THADA: variants seen among roughly 807,000 people sequenced by gnomAD.
THADA encodes tRNA (32-2'-O)-methyltransferase regulator THADA.
In THADA, 213 loss-of-function variants were observed where a neutral mutation model predicts 219.8. The observed-to-expected ratio is 0.97, with a 90% CI of 0.87 to 1.09. The LOEUF (loss-of-function observed/expected upper bound fraction) is 1.09. Among genes scored for constraint, THADA ranks in the 50% least tolerant of loss-of-function variants. THADA has a pLI of 0.00. For missense variants in THADA, 2,956 were observed against 2,311.3 expected, an observed-to-expected ratio of 1.28 and a Z score of -5.72; for synonymous variants, 1,018 against 828.9, an observed-to-expected ratio of 1.23 and a Z score of -3.92.
chr2:43,449,244 C>A (rs1681995446), intron 26 of THADA, among the ~76,000 whole-genome samples: 1 of 151,518 alleles, frequency 6.6e-6, no homozygotes, highest in Admixed American at 6.6e-5. Context: ...AATCAATGAA[C>A]CTGAAGATAA....
intron 31 of THADA, among the ~76,000 whole-genome samples, chr2:43,294,552 G>C (rs1255009266): frequency 1.3e-5 from 2 of 152,200 alleles, no homozygotes; most frequent in East Asian, 3.8e-4. Flanking sequence ...AATGTGGCTA[G>C]AGTACAGAAA....
chr2:43,440,163 T>C (rs1680664988), intron 26 of THADA, among the ~76,000 whole-genome samples: 1 of 152,230 alleles, frequency 6.6e-6, no homozygotes. Context: ...GTATATACTT[T>C]TAGTTTGTAG....
chr2:43,369,195 T>C (rs1002413939), intron 29 of THADA, among the ~76,000 whole-genome samples: 12 of 152,244 alleles, frequency 7.9e-5, no homozygotes, highest in African/African-American at 2.4e-4. Context: ...TGAGCAGTCT[T>C]GGAAGAGTCT....
chr2:43,532,476 C>T (rs951393041), intron 21 of THADA, among the ~76,000 whole-genome samples: 6 of 150,240 alleles, frequency 4.0e-5, no homozygotes, highest in African/African-American at 9.8e-5. Flanking sequence ...TGATCCATCA[C>T]GTAAGCAGAA....
chr2:43,550,886 G>A (rs563160286), intron 19 of THADA, among the ~76,000 whole-genome samples: 1 of 152,282 alleles, frequency 6.6e-6, no homozygotes, highest in African/African-American at 2.4e-5. Context: ...AATGCTTTAA[G>A]AGGCCAAGGC....
At chr2:43,384,593 T>C (rs1672416359) in intron 29 of THADA, among the ~76,000 whole-genome samples, 1 of 152,246 alleles carries the variant, frequency 6.6e-6, no homozygotes, top group African/African-American at 2.4e-5. Flanking sequence ...CTGTTCTCTA[T>C]ATGCACATCT....
chr2:43,258,574 C>T (rs993796566), intron 36 of THADA, among the ~76,000 whole-genome samples: 9 of 152,026 alleles, frequency 5.9e-5, no homozygotes, highest in African/African-American at 2.2e-4. Flanking sequence ...TGTTATTTAT[C>T]TGAAATTCAT....
At chr2:43,388,281 TGACA>T (rs944540491) in intron 29 of THADA, among the ~76,000 whole-genome samples, 31 of 152,354 alleles carry the variant, frequency 2.0e-4, no homozygotes, top group Admixed American at 1.5e-3. Context: ...GACAAAAGCC[TGACA>T]GTGTACCCAC....
Position 43,515,371 on chromosome 2 carries a change from A to G in THADA, c.3375-6591T>C, listed in dbSNP as rs1296425975. Reference sequence around the variant, plus strand: ...ATATTTTATATATAATATATAATATATAATATATAATATTTTATATATAAT... The same window carrying G: ...ATATTTTATATATAATATATAATATGTAATATATAATATTTTATATATAAT... On this transcript the variant is annotated intron_variant, in intron 22 of 37. Transcript: ENST00000405975. Among the ~76,000 whole-genome samples, 54 of 96,634 alleles carry G rather than the reference A, an allele frequency of 5.6e-4. 2 individuals carry two copies. Among genetic ancestry groups the G allele is most frequent in the Non-Finnish European group, 8.2e-4 (43 of 52,188 alleles). 63.4% of individuals were successfully genotyped at this position (96,634 alleles called of 152,430 possible).
chr2:43,573,323 G>A (rs1005763218), intron 11 of THADA, among the ~76,000 whole-genome samples: 26 of 152,152 alleles, frequency 1.7e-4, no homozygotes, highest in Non-Finnish European at 3.8e-4. Flanking sequence ...GGAGAAATAA[G>A]CACATCAGTG....
chr2:43,417,581 G>C (rs1488074653), intron 28 of THADA, among the ~76,000 whole-genome samples: 1 of 152,176 alleles, frequency 6.6e-6, no homozygotes, highest in South Asian at 2.1e-4. Context: ...ATGCCCAAGG[G>C]GGGAAATATC....
chr2:43,390,866 C>T (rs1421969341), intron 29 of THADA, among the ~76,000 whole-genome samples: 1 of 152,146 alleles, frequency 6.6e-6, no homozygotes, highest in Non-Finnish European at 1.5e-5. Context: ...CATCAAATCC[C>T]ATTTTACCCA....
chr2:43,250,048 A>G (rs1030354228), intron 36 of THADA, among the ~76,000 whole-genome samples: 1 of 152,222 alleles, frequency 6.6e-6, no homozygotes, highest in African/African-American at 2.4e-5. Flanking sequence ...TTCCACTCCT[A>G]GGTACATACC....
At chr2:43,477,966 G>A (rs1268547852) in intron 26 of THADA, among the ~76,000 whole-genome samples, 3 of 152,078 alleles carry the variant, frequency 2.0e-5, no homozygotes, top group Admixed American at 6.5e-5. Context: ...TTTCAAGTCC[G>A]GATTCAACCC....
chr2:43,455,649 C>T (rs1242053885), intron 26 of THADA, among the ~76,000 whole-genome samples: 2 of 152,148 alleles, frequency 1.3e-5, no homozygotes, highest in Non-Finnish European at 2.9e-5. Context: ...CAAGAAGACA[C>T]AAGAGAAGCC....
At chr2:43,425,861 C>A (rs11124936) in intron 28 of THADA, among the ~76,000 whole-genome samples, 1 of 151,970 alleles carries the variant, frequency 6.6e-6, no homozygotes, top group Non-Finnish European at 1.5e-5. Flanking sequence ...TACAGAGCTA[C>A]AATTTGAACC....
intron 29 of THADA, among the ~76,000 whole-genome samples, chr2:43,368,067 G>A (rs1404247507): frequency 5.3e-5 from 8 of 152,068 alleles, no homozygotes; most frequent in African/African-American, 1.9e-4. Flanking sequence ...GCAGTGAGCC[G>A]AGATCACGCC....
intron 15 of THADA, chr2:43,565,598 G>A (rs1698569948): frequency 6.6e-6 from 1 of 152,108 alleles, no homozygotes; most frequent in Admixed American, 6.5e-5. Context: ...CTGTCCTCCT[G>A]TCAAAAAATT....
At chr2:43,329,937 A>C (rs751774078) in intron 30 of THADA, among the ~76,000 whole-genome samples, 1 of 152,134 alleles carries the variant, frequency 6.6e-6, no homozygotes, top group Non-Finnish European at 1.5e-5. Context: ...TAGCACTTTT[A>C]TGTTTACACT....
Sources: allele counts gnomAD v4.1 joint callset (sites outside exome capture counted in the v4.1 genomes callset), GRCh38; gene constraint gnomAD v4.1.1; transcripts MANE v1.5; gene names NCBI Gene and HGNC (gene_info 2026-07-23, HGNC 2026-07-21).